ITGB5: variants seen among roughly 807,000 people sequenced by gnomAD.
The protein encoded by ITGB5 is integrin subunit beta 5, also known as integrin beta-5.
In ITGB5, 38 loss-of-function variants were observed where a neutral mutation model predicts 84.8. The ratio of observed to expected loss-of-function variants is 0.45; its 90% confidence interval spans 0.35 to 0.59. The LOEUF (loss-of-function observed/expected upper bound fraction) is 0.59. ITGB5 is among the 20% of genes least tolerant of loss of function. The probability of loss-of-function intolerance (pLI) is 0.01; values close to 1 mark genes in which losing one functional copy is unlikely to be tolerated. For missense variants in ITGB5, 905 were observed against 1,034.5 expected, an observed-to-expected ratio of 0.87 and a Z score of 1.72; for synonymous variants, 393 against 414.4, an observed-to-expected ratio of 0.95 and a Z score of 0.63.
At chr3:124,879,989 T>A (rs1029304242) in intron 1 of ITGB5, among the ~76,000 whole-genome samples, 2 of 152,238 alleles carry the variant, frequency 1.3e-5, no homozygotes, top group Non-Finnish European at 2.9e-5. Context: ...ATATTACCTA[T>A]CAAAAGGTAT....
At position 124,841,644 on chromosome 3, in the gene ITGB5, C is replaced by A. The variant is rs1457162019; in HGVS notation, c.612-93G>T. ...CATTCACTGAGTGCCTTGAGAGGCACCAATAACTATTTACCCAGCACCTAC... is the reference window on the plus strand; with the variant it reads ...CATTCACTGAGTGCCTTGAGAGGCAACAATAACTATTTACCCAGCACCTAC... On this transcript the variant is annotated intron_variant, in intron 4 of 14. Transcript: ENST00000296181. 132 of 1,251,220 alleles carry A rather than the reference C, an allele frequency of 1.1e-4. 1 individual carries two copies. Among genetic ancestry groups the A allele is most frequent in the South Asian group, 2.8e-5 (2 of 71,748 alleles). 77.5% of individuals were successfully genotyped at this position (1,251,220 alleles called of 1,614,324 possible).
At chr3:124,894,219 G>A (rs1458942748) in intron 1 of ITGB5, among the ~76,000 whole-genome samples, 7 of 131,768 alleles carry the variant, frequency 5.3e-5, no homozygotes, top group Non-Finnish European at 9.3e-5. Context: ...TGCAAGCTCC[G>A]CCTCCCAGGT....
intron 2 of ITGB5, among the ~76,000 whole-genome samples, chr3:124,872,436 A>G (rs547007152): frequency 6.6e-6 from 1 of 152,274 alleles, no homozygotes; most frequent in Admixed American, 6.5e-5. Context: ...AAAGTGTATG[A>G]CATCTAGTAG....
intron 4 of ITGB5, among the ~76,000 whole-genome samples, chr3:124,845,997 TA>T (rs879344492): frequency 5.3e-5 from 8 of 152,218 alleles, no homozygotes; most frequent in Admixed American, 3.9e-4. Flanking sequence ...AGGAGGAAGC[TA>T]AACCCAGCAA....
chr3:124,845,437 C>T (rs562595034), intron 4 of ITGB5, among the ~76,000 whole-genome samples: 3 of 152,364 alleles, frequency 2.0e-5, no homozygotes, highest in South Asian at 2.1e-4. Flanking sequence ...TGTGCCCCCA[C>T]GCTGCGTGTG....
intron 14 of ITGB5, 67 bp downstream of exon 14, chr3:124,764,324 T>C (rs1345172528): frequency 6.6e-7 from 1 of 1,513,220 alleles, no homozygotes; most frequent in East Asian, 2.3e-5. Flanking sequence ...ATTGCTAACA[T>C]ACCGCTGAAC....
Position 124,773,732 on chromosome 3 carries a change from C to A in ITGB5, c.1874G>T (p.Cys625Phe). The change falls in exon 11 of 15, where the codon TGT becomes TTT. Residue 625 changes from cysteine to phenylalanine, a missense_variant. This residue lies in a region of ITGB5 where 116 missense variants were observed against 177.0 expected (regional missense o/e 0.66). Transcript: ENST00000296181. Reference protein sequence around the residue: ...CTEPGAFGEMCEKCPTCPDAC... With the variant: ...CTEPGAFGEMFEKCPTCPDAC... ...ATCCGGGCAGGTGGGGCACTTCTCA[C>A]ACATCTCCCCAAAGGCCCCCGGCTC... 3 of 1,612,564 alleles carry A rather than the reference C, an allele frequency of 1.9e-6. No individual in the cohort carries two copies. The highest frequency in any genetic ancestry group is 2.5e-6 in the Non-Finnish European group (3 of 1,180,026).
chr3:124,901,050 A>C (rs759868352), intron 1 of ITGB5, among the ~76,000 whole-genome samples: 4 of 152,224 alleles, frequency 2.6e-5, no homozygotes, highest in Admixed American at 6.5e-5. Flanking sequence ...TAAAGAGACC[A>C]ACCAAGGAAA....
chr3:124,883,104 TC>T (rs1934653003), intron 1 of ITGB5, among the ~76,000 whole-genome samples: 1 of 152,172 alleles, frequency 6.6e-6, no homozygotes, highest in Non-Finnish European at 1.5e-5. Context: ...AGAGACCCTA[TC>T]CCATTAACCC....
intron 10 of ITGB5, among the ~76,000 whole-genome samples, chr3:124,783,312 A>AAAGAG (rs2064033243): frequency 8.1e-5 from 12 of 147,520 alleles, no homozygotes; most frequent in Non-Finnish European, 1.6e-4. Flanking sequence ...AAAAAAAAAA[A>AAAGAG]AGAGAGAGAG....
At chr3:124,858,991 A>T (rs887172593) in intron 3 of ITGB5, among the ~76,000 whole-genome samples, 1 of 152,160 alleles carries the variant, frequency 6.6e-6, no homozygotes. Flanking sequence ...CTTAAATGGT[A>T]AATGTTATGT....
rs576194423 is a variant in ITGB5, at chr3:124,858,278, G to C, written c.361+964C>G. ...ATTAAGCAACTCTAAGGCTTGCAGG[G>C]CCCCATGGTCACAAAACAAAATATC... On this transcript the variant is annotated intron_variant, in intron 3 of 14. Coordinates refer to ENST00000296181, the MANE Select transcript of ITGB5 (RefSeq NM_002213.5). Among the ~76,000 whole-genome samples, 102 of 152,140 alleles carry C rather than the reference G, an allele frequency of 6.7e-4. 1 individual carries two copies. The highest frequency in any genetic ancestry group is 2.4e-3 in the African/African-American group (100 of 41,486).
chr3:124,878,003 T>G (rs1330812664), intron 1 of ITGB5, among the ~76,000 whole-genome samples: 1 of 152,176 alleles, frequency 6.6e-6, no homozygotes, highest in Non-Finnish European at 1.5e-5. Context: ...CCATCACGCC[T>G]GGCTAATTTT....
chr3:124,814,521 G>T (rs1047681842), intron 8 of ITGB5, among the ~76,000 whole-genome samples: 7 of 149,872 alleles, frequency 4.7e-5, no homozygotes, highest in African/African-American at 9.8e-5. Context: ...CTGTCACCCA[G>T]GCTAGAGCAC....
At chr3:124,855,134 G>A (rs375512157) in intron 3 of ITGB5, among the ~76,000 whole-genome samples, 2 of 152,226 alleles carry the variant, frequency 1.3e-5, no homozygotes, top group South Asian at 2.1e-4. Flanking sequence ...CCAACATGGT[G>A]AAACCCCGTC....
chr3:124,826,140 G>A (rs908953123), intron 5 of ITGB5, among the ~76,000 whole-genome samples: 1 of 152,188 alleles, frequency 6.6e-6, no homozygotes, highest in African/African-American at 2.4e-5. Flanking sequence ...TTGTGGTTGG[G>A]ACTGGGGTTA....
Position 124,775,106 on chromosome 3 carries a change from T to G in ITGB5, c.1694-1194A>C, listed in dbSNP as rs561181821. On this transcript the variant is annotated intron_variant, in intron 10 of 14. Transcript: ENST00000296181. ...TGCCCTGGCCCTTCCTTGCAGGGGG[T>G]CCTCTCCATCGCCTGCAAGGGTGGA... Among the ~76,000 whole-genome samples the G allele has an allele frequency of 1.6e-4, 25 of 152,062 alleles. No individual in the cohort carries two copies. The South Asian group carries it at 5.2e-3, about 32-fold the overall frequency.
chr3:124,795,583 C>T (rs1018602470), intron 10 of ITGB5, among the ~76,000 whole-genome samples: 4 of 152,010 alleles, frequency 2.6e-5, no homozygotes, highest in African/African-American at 4.8e-5. Flanking sequence ...TGTGGCCTTA[C>T]GTGGTGAAAG....
intron 9 of ITGB5, 116 bp from the exon 10 acceptor site, chr3:124,796,933 T>A: frequency 1.0e-6 from 1 of 977,364 alleles, no homozygotes; most frequent in Non-Finnish European, 1.5e-6. Flanking sequence ...CTCCACGCAC[T>A]CAGGTAGAAC....
Sources: allele counts gnomAD v4.1 joint callset (sites outside exome capture counted in the v4.1 genomes callset), GRCh38; gene constraint gnomAD v4.1.1; regional missense constraint gnomAD v4.1.1; transcripts MANE v1.5; gene names NCBI Gene and HGNC (gene_info 2026-07-23, HGNC 2026-07-21).